Variants in FARS2 observed in about 807,000 individuals in gnomAD.
The protein encoded by FARS2 is phenylalanine--tRNA ligase, mitochondrial.
FARS2 carries 40 observed loss-of-function variants against 46.4 expected under a neutral mutation model. The observed-to-expected ratio is 0.86, with a 90% CI of 0.67 to 1.12. The LOEUF (loss-of-function observed/expected upper bound fraction) is 1.12, where lower values mean the gene tolerates loss of function less well. FARS2 is among the 50% of genes most tolerant of loss of function. The pLI is 0.00. For synonymous variants in FARS2, 234 were observed against 214.9 expected (o/e 1.09, Z -0.78); for missense variants, 513 against 567.9 (o/e 0.90, Z 0.98).
chr6:5,306,252 G>A (rs865850011), intron 1 of FARS2, among the ~76,000 whole-genome samples: 2 of 152,166 alleles, frequency 1.3e-5, no homozygotes, highest in African/African-American at 4.8e-5. Flanking sequence ...ATTTGGTTGT[G>A]TAGTTGAGAT....
intron 5 of FARS2, among the ~76,000 whole-genome samples, chr6:5,579,570 A>G (rs1009959583): frequency 2.6e-5 from 4 of 152,152 alleles, no homozygotes; most frequent in Non-Finnish European, 4.4e-5. Context: ...CACCATGCCC[A>G]GACTATTATG....
chr6:5,676,187 A>G (rs1310857737), intron 6 of FARS2, among the ~76,000 whole-genome samples: 1 of 152,218 alleles, frequency 6.6e-6, no homozygotes, highest in African/African-American at 2.4e-5. Context: ...GGACACTCAA[A>G]GATGTCAGCT....
At chr6:5,544,487 C>T (rs1770839334) in intron 4 of FARS2, among the ~76,000 whole-genome samples, 1 of 152,172 alleles carries the variant, frequency 6.6e-6, no homozygotes, top group Non-Finnish European at 1.5e-5. Flanking sequence ...TGCCTTCATT[C>T]TGCAGTTTCT....
At chr6:5,375,248 A>G (rs1220207826) in intron 2 of FARS2, among the ~76,000 whole-genome samples, 2 of 152,128 alleles carry the variant, frequency 1.3e-5, no homozygotes, top group East Asian at 3.8e-4. Flanking sequence ...ACAATATAGA[A>G]AAATTAATGT....
intron 1 of FARS2, among the ~76,000 whole-genome samples, chr6:5,293,482 T>A (rs756313849): frequency 3.3e-5 from 5 of 152,166 alleles, no homozygotes; most frequent in Non-Finnish European, 5.9e-5. Flanking sequence ...ATATCTACAT[T>A]ATAAAAGATG....
intron 1 of FARS2, among the ~76,000 whole-genome samples, chr6:5,357,160 C>T (rs1308586307): frequency 6.6e-6 from 1 of 152,168 alleles, no homozygotes; most frequent in Non-Finnish European, 1.5e-5. Flanking sequence ...AAATGAACTT[C>T]AGTGCTGTGC....
At chr6:5,690,044 G>A (rs917828090) in intron 6 of FARS2, among the ~76,000 whole-genome samples, 4 of 151,908 alleles carry the variant, frequency 2.6e-5, no homozygotes, top group Non-Finnish European at 5.9e-5. Context: ...TATTTTCCAT[G>A]TGCTTGGTAG....
chr6:5,341,649 G>C (rs993760178), intron 1 of FARS2, among the ~76,000 whole-genome samples: 1 of 151,828 alleles, frequency 6.6e-6, no homozygotes, highest in South Asian at 2.1e-4. Flanking sequence ...CTCCGGAGTA[G>C]CTAGGAATAA....
intron 1 of FARS2, among the ~76,000 whole-genome samples, chr6:5,339,993 A>G (rs538094675): frequency 1.3e-5 from 2 of 152,378 alleles, no homozygotes; most frequent in East Asian, 3.9e-4. Flanking sequence ...AGTTTCTCTT[A>G]TGTGGCTATG....
At chr6:5,511,089 C>G (rs1047532653) in intron 4 of FARS2, among the ~76,000 whole-genome samples, 1 of 152,158 alleles carries the variant, frequency 6.6e-6, no homozygotes, top group Non-Finnish European at 1.5e-5. Context: ...CCAGATGGCA[C>G]AAGTGTCCCA....
At chr6:5,491,780 A>G (rs1051304233) in intron 4 of FARS2, among the ~76,000 whole-genome samples, 7 of 152,340 alleles carry the variant, frequency 4.6e-5, no homozygotes, top group Admixed American at 1.3e-4. Flanking sequence ...TACTCACCAG[A>G]TATCACAGGC....
chr6:5,460,647 G>C (rs368248599), intron 4 of FARS2, among the ~76,000 whole-genome samples: 1 of 152,154 alleles, frequency 6.6e-6, no homozygotes, highest in South Asian at 2.1e-4. Flanking sequence ...CCAAGGATCA[G>C]AACCTTACAT....
intron 1 of FARS2, among the ~76,000 whole-genome samples, chr6:5,299,245 A>G (rs1001762911): frequency 1.3e-5 from 2 of 152,204 alleles, no homozygotes; most frequent in East Asian, 3.8e-4. Context: ...AAGGTTTCTC[A>G]TTTAGACTGT....
At chr6:5,475,572 G>A (rs1371934171) in intron 4 of FARS2, among the ~76,000 whole-genome samples, 4 of 152,108 alleles carry the variant, frequency 2.6e-5, no homozygotes, top group African/African-American at 4.8e-5. Context: ...GTAGAATCTC[G>A]GCTCTAGCTC....
intron 4 of FARS2, among the ~76,000 whole-genome samples, chr6:5,490,526 G>A (rs576135492): frequency 1.3e-5 from 2 of 152,312 alleles, no homozygotes; most frequent in South Asian, 4.1e-4. Context: ...CTGCAAGATG[G>A]CCCCCAGTGA....
At chr6:5,403,976 A>G (rs1370187630) in intron 2 of FARS2, among the ~76,000 whole-genome samples, 2 of 152,336 alleles carry the variant, frequency 1.3e-5, no homozygotes, top group South Asian at 2.1e-4. Flanking sequence ...TTGTAATAAA[A>G]TCTACTAATT....
chr6:5,404,426 C>G (rs1037508571), intron 2 of FARS2, 116 bp from the exon 3 acceptor site: 7 of 598,908 alleles, frequency 1.2e-5, no homozygotes, highest in Non-Finnish European at 2.0e-5. Context: ...CATAATGAGT[C>G]TTATTCCCAC....
At chr6:5,740,149 A>G (rs1303702118) in intron 6 of FARS2, among the ~76,000 whole-genome samples, 1 of 152,144 alleles carries the variant, frequency 6.6e-6, no homozygotes, top group Non-Finnish European at 1.5e-5. Context: ...GTGTGCTGGT[A>G]GGGAATGTGT....
chr6:5,689,145 A>G lies in FARS2; in HGVS notation c.1217+75825A>G, dbSNP rs556409253. Among the ~76,000 whole-genome samples, 3 of 152,296 alleles carry G rather than the reference A, an allele frequency of 2.0e-5. No individual in the cohort carries two copies. In the East Asian group the frequency reaches 5.8e-4, roughly 29 times the overall value. On this transcript the variant is annotated intron_variant, in intron 6 of 6. Transcript: ENST00000274680. ...CTCTCAATTTTGTTGATCTTTTCAA[A>G]AAACCAGCTCCTGGGTTCATTGATT... is the stretch of plus-strand genomic sequence containing the variant.
Sources: allele counts gnomAD v4.1 joint callset (sites outside exome capture counted in the v4.1 genomes callset), GRCh38; gene constraint gnomAD v4.1.1; transcripts MANE v1.5; gene names NCBI Gene and HGNC (gene_info 2026-07-23, HGNC 2026-07-21).